Variants in SNX27 observed in about 807,000 individuals in gnomAD.
SNX27 encodes sorting nexin-27.
A neutral mutation model predicts 71.6 loss-of-function variants in SNX27; 22 were observed. The ratio of observed to expected loss-of-function variants is 0.31; its 90% CI spans 0.22 to 0.44. The LOEUF (loss-of-function observed/expected upper bound fraction) is 0.44, where lower values mean the gene tolerates loss of function less well. Ranked by LOEUF, SNX27 falls within the 20% of genes least tolerant of loss-of-function variation. The pLI is 1.00. For synonymous variants in SNX27, 269 were observed against 277.2 expected, an observed-to-expected ratio of 0.97 and a Z score of 0.29; for missense variants, 531 against 698.6, an observed-to-expected ratio of 0.76 and a Z score of 2.70.
At chr1:151,641,873 T>TGATATATAAGCTATAGATATATATGA (rs1668780632) in intron 2 of SNX27, among the ~76,000 whole-genome samples, 1 of 132,600 alleles carries the variant, frequency 7.5e-6, no homozygotes, top group African/African-American at 2.9e-5. Context: ...TAGATATATA[T>TGATATATAAGCTATAGATATATATGA]GATATATATA....
At chr1:151,616,658 T>C (rs1277438408) in intron 1 of SNX27, among the ~76,000 whole-genome samples, 1 of 152,214 alleles carries the variant, frequency 6.6e-6, no homozygotes, top group African/African-American at 2.4e-5. Context: ...CTAGGTACCG[T>C]CTCAAAAGCC....
At chr1:151,681,609 T>C (rs2102720522) in intron 7 of SNX27, among the ~76,000 whole-genome samples, 1 of 152,326 alleles carries the variant, frequency 6.6e-6, no homozygotes, top group East Asian at 1.9e-4. Context: ...TGGGAAATGC[T>C]TTCCACCTTG....
chr1:151,693,767 A>G, intron 11 of SNX27: 1 of 1,496,726 alleles, frequency 6.7e-7, no homozygotes, highest in Non-Finnish European at 8.8e-7. Flanking sequence ...CTCCTCTGCC[A>G]GTTTTTTAAA....
In SNX27 at chr1:151,662,148, C is replaced by T; in HGVS notation, c.802-18C>T. On this transcript the variant is annotated intron_variant, in intron 4 of 11. Coordinates refer to ENST00000458013, the MANE Select transcript of SNX27 (RefSeq NM_001330723.2). ...ATATACTGGGCCATAAATTATTTCT[C>T]TATGTCTTTTCCCCCAGAACTACAA... The T allele has an allele frequency of 6.3e-7, 1 of 1,580,198 alleles. No homozygotes were observed. The highest frequency in any genetic ancestry group is 8.7e-7 in the Non-Finnish European group (1 of 1,150,178).
At chr1:151,649,582 C>T (rs1669229152) in intron 2 of SNX27, among the ~76,000 whole-genome samples, 2 of 152,166 alleles carry the variant, frequency 1.3e-5, no homozygotes, top group African/African-American at 4.8e-5. Flanking sequence ...AACCCTGTCT[C>T]AATTTAAAAC....
At chr1:151,692,304 GT>G (rs1671486526) in intron 8 of SNX27, 130 bp from the exon 9 acceptor site, 3 of 1,206,110 alleles carry the variant, frequency 2.5e-6, no homozygotes, top group South Asian at 3.6e-5. Flanking sequence ...AGGTCTTCAG[GT>G]TGTTGGGTGA....
intron 10 of SNX27, 184 bp downstream of exon 10, chr1:151,693,223 C>T: frequency 2.0e-6 from 2 of 976,270 alleles, no homozygotes; most frequent in Non-Finnish European, 3.0e-6. Flanking sequence ...TTGGCAATTT[C>T]CTATCCCACT....
At chr1:151,628,346 T>G (rs1212077686) in intron 1 of SNX27, among the ~76,000 whole-genome samples, 1 of 152,216 alleles carries the variant, frequency 6.6e-6, no homozygotes, top group Non-Finnish European at 1.5e-5. Context: ...TTTAGAGGCA[T>G]AATACTCAAC....
At chr1:151,693,549 T>G in intron 11 of SNX27, 66 bp downstream of exon 11, 15 of 1,595,828 alleles carry the variant, frequency 9.4e-6, no homozygotes, top group South Asian at 1.1e-5. Flanking sequence ...TATAGGCCTG[T>G]GGCCAAATAC....
rs879141599 is a variant in SNX27 at position 151,696,668 on chromosome 1, T to TTTTTTTTTC, written c.*2252_*2253insTTTTTTTCT. The TTTTTTTTTC allele has an allele frequency of 1.5e-5, 2 of 131,898 alleles. No homozygotes were observed. Among genetic ancestry groups the TTTTTTTTTC allele is most frequent in the Admixed American group, 8.3e-5 (1 of 12,116 alleles). The allele number at this position is 131,898 out of a possible 1,614,324, so 8.2% of individuals were successfully genotyped here. ...TTTTTTCTGTTTTTTTTTTTTTTTT[T>TTTTTTTTTC]TCCCAGAGTCTTGCTCTGTCGCCCA... On this transcript the variant is annotated 3_prime_UTR_variant, in exon 12 of 12. Coordinates refer to ENST00000458013, the MANE Select transcript of SNX27 (RefSeq NM_001330723.2).
intron 1 of SNX27, among the ~76,000 whole-genome samples, chr1:151,621,717 T>C (rs1324994089): frequency 1.3e-5 from 2 of 152,238 alleles, no homozygotes; most frequent in Non-Finnish European, 2.9e-5. Context: ...TTTATATCTA[T>C]GTGTTGATCT....
chr1:151,617,347 C>T (rs1362680049), intron 1 of SNX27, among the ~76,000 whole-genome samples: 3 of 151,980 alleles, frequency 2.0e-5, no homozygotes, highest in African/African-American at 2.4e-5. Flanking sequence ...GGTGCGATCT[C>T]GGCTCACTGC....
intron 2 of SNX27, among the ~76,000 whole-genome samples, chr1:151,645,453 G>A (rs1486787385): frequency 2.6e-5 from 4 of 152,164 alleles, no homozygotes; most frequent in African/African-American, 7.2e-5. Context: ...GAGGAGTATC[G>A]ATGTTTTTGT....
chr1:151,620,855 G>T (rs956775571), intron 1 of SNX27, among the ~76,000 whole-genome samples: 3 of 151,920 alleles, frequency 2.0e-5, no homozygotes, highest in Non-Finnish European at 4.4e-5. Context: ...ATGCCCAGCT[G>T]AATTGTTTGT....
intron 7 of SNX27, among the ~76,000 whole-genome samples, chr1:151,681,438 T>G (rs1670949799): frequency 6.6e-6 from 1 of 151,746 alleles, no homozygotes; most frequent in Non-Finnish European, 1.5e-5. Context: ...GAGACAGGGT[T>G]TCACCATGTT....
intron 8 of SNX27, among the ~76,000 whole-genome samples, chr1:151,691,147 G>T (rs1447525924): frequency 2.0e-5 from 3 of 152,094 alleles, no homozygotes. Context: ...GAAATAGAAG[G>T]TGGTATGTGC....
At chr1:151,685,676 C>T (rs1364963645) in intron 8 of SNX27, among the ~76,000 whole-genome samples, 1 of 152,010 alleles carries the variant, frequency 6.6e-6, no homozygotes, top group Non-Finnish European at 1.5e-5. Context: ...AGTGAGACTC[C>T]GTCTCAACAA....
chr1:151,687,733 G>C (rs1322821900), intron 8 of SNX27, among the ~76,000 whole-genome samples: 2 of 152,106 alleles, frequency 1.3e-5, no homozygotes, highest in Non-Finnish European at 2.9e-5. Flanking sequence ...CCGATCATGA[G>C]GTCAGGAGAT....
intron 7 of SNX27, among the ~76,000 whole-genome samples, chr1:151,674,834 C>A (rs1047743028): frequency 7.9e-5 from 12 of 151,952 alleles, no homozygotes; most frequent in Non-Finnish European, 1.2e-4. Flanking sequence ...TTACAGGCAC[C>A]CACCAACACA....
Sources: gnomAD v4.1 joint callset for allele counts (sites outside exome capture counted in the v4.1 genomes callset) on GRCh38, gnomAD v4.1.1 for gene constraint, MANE v1.5 for transcripts, NCBI Gene and HGNC (gene_info 2026-07-23, HGNC 2026-07-21) for gene names.